The following MS4A5 variants were observed in gnomAD, a reference collection of about 807,000 sequenced individuals.
The protein encoded by MS4A5 is membrane-spanning 4-domains subfamily A member 5.
In MS4A5, 15 loss-of-function variants were observed where a neutral mutation model predicts 18.2. The observed-to-expected ratio is 0.83, with a 90% CI of 0.55 to 1.27. The LOEUF (loss-of-function observed/expected upper bound fraction) is 1.27, where lower values mean the gene tolerates loss of function less well. Among genes scored for constraint, MS4A5 ranks in the 50% most tolerant of loss-of-function variants. The pLI, the probability that MS4A5 is intolerant of heterozygous loss-of-function variation, is 0.00. For missense variants in MS4A5, 232 were observed against 225.7 expected (o/e 1.03, Z -0.18); for synonymous variants, 89 against 78.7 (o/e 1.13, Z -0.69).
At chr11:60,442,348 T>G (rs1400927397) in intron 4 of MS4A5, among the ~76,000 whole-genome samples, 2 of 152,224 alleles carry the variant, frequency 1.3e-5, no homozygotes, top group Non-Finnish European at 2.9e-5. Flanking sequence ...TTTGCACTTT[T>G]AAGAATACAA....
At chr11:60,442,616 G>T (rs547118610) in intron 4 of MS4A5, among the ~76,000 whole-genome samples, 1 of 152,048 alleles carries the variant, frequency 6.6e-6, no homozygotes, top group Admixed American at 6.6e-5. Flanking sequence ...TGTGTAACCT[G>T]CACGTCCTGC....
At chr11:60,435,600 G>A (rs1222834364) in intron 4 of MS4A5, 7 of 282,602 alleles carry the variant, frequency 2.5e-5, no homozygotes, top group African/African-American at 4.6e-5. Flanking sequence ...GAAGCAGGGC[G>A]AGGCATTGCC....
intron 4 of MS4A5, among the ~76,000 whole-genome samples, chr11:60,440,584 A>T (rs1447599780): frequency 6.7e-6 from 1 of 148,544 alleles, no homozygotes; most frequent in African/African-American, 2.5e-5. Flanking sequence ...TTACAAGAAA[A>T]AAACAAACAA....
At chr11:60,435,069 G>A (rs1372257021) in intron 4 of MS4A5, among the ~76,000 whole-genome samples, 1 of 152,176 alleles carries the variant, frequency 6.6e-6, no homozygotes, top group African/African-American at 2.4e-5. Flanking sequence ...CAACCTCCTT[G>A]CACGCCCCAA....
intron 4 of MS4A5, among the ~76,000 whole-genome samples, chr11:60,446,676 T>A (rs907211740): frequency 4.0e-5 from 6 of 150,148 alleles, no homozygotes; most frequent in Non-Finnish European, 5.9e-5. Flanking sequence ...GAGGTTGCAG[T>A]GAGCCGAGAT....
intron 4 of MS4A5, among the ~76,000 whole-genome samples, chr11:60,447,028 T>TATGCTATGCTATGCTATGCTATCCC (rs1474041249): frequency 7.3e-6 from 1 of 136,262 alleles, no homozygotes; most frequent in African/African-American, 2.5e-5. Context: ...GATAATATGC[T>TATGCTATGCTATGCTATGCTATCCC]ATGCTATGCT....
intron 4 of MS4A5, among the ~76,000 whole-genome samples, chr11:60,437,107 G>C (rs1360740302): frequency 7.2e-6 from 1 of 138,274 alleles, no homozygotes; most frequent in African/African-American, 2.5e-5. Context: ...AAGAGAGTGG[G>C]GGCCAATATT....
chr11:60,439,442 AGG>A (rs2135176439), intron 4 of MS4A5, among the ~76,000 whole-genome samples: 1 of 87,874 alleles, frequency 1.1e-5, no homozygotes, highest in African/African-American at 4.5e-5. Flanking sequence ...AGGCAGGAGA[AGG>A]ACATAAAGGG....
intron 4 of MS4A5, among the ~76,000 whole-genome samples, chr11:60,446,322 A>G (rs2086137948): frequency 6.6e-6 from 1 of 152,254 alleles, no homozygotes; most frequent in Non-Finnish European, 1.5e-5. Context: ...AGAAGACTGC[A>G]AACTTTAACT....
In MS4A5 at chr11:60,441,159, C is replaced by T. The variant is rs1292032900; in HGVS notation, c.493-6490C>T. ...GGATGAAATTGGAAATCATCATTCT[C>T]AGTAATCTATCGCAAGAACAAAAAA... On this transcript the variant is annotated intron_variant, in intron 4 of 4. Coordinates refer to ENST00000300190, the MANE Select transcript of MS4A5 (RefSeq NM_023945.3). Among the ~76,000 whole-genome samples the T allele has an allele frequency of 3.1e-5, 4 of 127,050 alleles. No homozygotes were observed. In the East Asian group the frequency reaches 6.6e-4, roughly 21 times the overall value. The allele number at this position is 127,050 out of a possible 152,430, so 83.3% of individuals were successfully genotyped here.
At chr11:60,436,285 C>G (rs2086080232) in intron 4 of MS4A5, among the ~76,000 whole-genome samples, 1 of 146,872 alleles carries the variant, frequency 6.8e-6, no homozygotes, top group African/African-American at 2.4e-5. Context: ...ACATCACCAT[C>G]ATCAAAGACC....
At chr11:60,435,333 A>AG (rs946417248) in intron 4 of MS4A5, 1 of 443,010 alleles carries the variant, frequency 2.3e-6, no homozygotes. Flanking sequence ...AGCAAAAAAA[A>AG]AATCACCTGT....
chr11:60,435,489 C>T (rs975963622), intron 4 of MS4A5: 25 of 404,024 alleles, frequency 6.2e-5, no homozygotes, highest in Non-Finnish European at 8.1e-5. Context: ...ACGCAGAAGA[C>T]GGGTGATTTC....
intron 4 of MS4A5, among the ~76,000 whole-genome samples, chr11:60,435,071 A>C (rs1590831575): frequency 6.6e-6 from 1 of 152,186 alleles, no homozygotes; most frequent in Admixed American, 6.5e-5. Flanking sequence ...ACCTCCTTGC[A>C]CGCCCCAATC....
At chr11:60,438,486 C>T (rs952368608) in intron 4 of MS4A5, among the ~76,000 whole-genome samples, 19 of 152,048 alleles carry the variant, frequency 1.2e-4, no homozygotes, top group African/African-American at 3.1e-4. Flanking sequence ...AATCCAGGAG[C>T]TGGTTTTTTG....
At chr11:60,439,944 C>T (rs11230320) in intron 4 of MS4A5, among the ~76,000 whole-genome samples, 80,466 of 125,512 alleles carry the variant, frequency 0.64, 27,328 homozygotes, top group Middle Eastern at 0.8. Context: ...TCATATGGGA[C>T]CAAAAAAGAG....
intron 4 of MS4A5, among the ~76,000 whole-genome samples, chr11:60,438,726 A>G (rs1298006671): frequency 6.6e-6 from 1 of 151,506 alleles, no homozygotes. Context: ...TAAACCAGGA[A>G]GAAGTTGAAT....
chr11:60,436,800 T>C (rs964721721), intron 4 of MS4A5, among the ~76,000 whole-genome samples: 14 of 135,688 alleles, frequency 1.0e-4, no homozygotes, highest in African/African-American at 3.4e-4. Context: ...ATCTGATTGG[T>C]GTACCTAAAA....
intron 4 of MS4A5, among the ~76,000 whole-genome samples, chr11:60,444,837 A>G (rs1455517250): frequency 6.6e-6 from 1 of 152,228 alleles, no homozygotes; most frequent in Admixed American, 6.5e-5. Flanking sequence ...AAAATGGTTC[A>G]ACCACCTTGG....
Sources: allele counts gnomAD v4.1 joint callset (sites outside exome capture counted in the v4.1 genomes callset), GRCh38; gene constraint gnomAD v4.1.1; transcripts MANE v1.5; gene names NCBI Gene and HGNC (gene_info 2026-07-23, HGNC 2026-07-21).